MGST1: variants seen among roughly 807,000 people sequenced by gnomAD.
MGST1 encodes glutathione S-transferase 12.
Under a neutral mutation model 8.9 loss-of-function variants are expected in MGST1, and 5 were observed. The ratio of observed to expected loss-of-function variants is 0.56; its 90% confidence interval spans 0.29 to 1.19. The LOEUF is 1.19. MGST1 is among the 50% of genes most tolerant of loss of function. The pLI, the probability that MGST1 is intolerant of heterozygous loss-of-function variation, is 0.08. For missense variants in MGST1, 182 were observed against 187.4 expected (o/e 0.97, Z 0.17); for synonymous variants, 54 against 67.8 (o/e 0.80, Z 1.00).
intron 3 of MGST1, among the ~76,000 whole-genome samples, chr12:16,375,189 T>C (rs529530591): frequency 2.6e-5 from 4 of 152,278 alleles, no homozygotes; most frequent in Admixed American, 1.3e-4. Context: ...ACTGTTCTTA[T>C]GTTTTAAAAT....
At chr12:16,431,254 C>T (rs1315064225) in intron 1 of MGST1, among the ~76,000 whole-genome samples, 1 of 152,192 alleles carries the variant, frequency 6.6e-6, no homozygotes, top group Non-Finnish European at 1.5e-5. Context: ...TTCTCCATAT[C>T]AGCAATTAGG....
At position 16,587,917 on chromosome 12, in the gene MGST1, AC is replaced by A. The variant is rs1454817621; in HGVS notation, n.483-1609del. ...ATTGCTACATTTCTCATGAAAGAAAACCTTGATTTAATTTTAAATGAACAAA... is the reference window on the plus strand; with the variant it reads ...ATTGCTACATTTCTCATGAAAGAAAACTTGATTTAATTTTAAATGAACAAA... On this transcript the variant is annotated intron_variant and non_coding_transcript_variant, in intron 4 of 4. Coordinates refer to the MGST1 transcript ENST00000538857. This position sits in a 1 kb window ranked among gnomAD's most constrained non-coding sequence, Gnocchi z 4.3. Among the ~76,000 whole-genome samples, 4 of 152,148 alleles carry A rather than the reference AC, an allele frequency of 2.6e-5. No individual in the cohort carries two copies. Among genetic ancestry groups the A allele is most frequent in the Admixed American group, 1.3e-4 (2 of 15,252 alleles).
At chr12:16,467,858 A>T (rs1445740547) in intron 4 of MGST1, among the ~76,000 whole-genome samples, 1 of 152,160 alleles carries the variant, frequency 6.6e-6, no homozygotes, top group Non-Finnish European at 1.5e-5. Context: ...GCTCAAGAGA[A>T]ACTCCTACTT....
chr12:16,381,089 A>C (rs538210801), downstream of MGST1, among the ~76,000 whole-genome samples: 1 of 152,188 alleles, frequency 6.6e-6, no homozygotes, highest in Non-Finnish European at 1.5e-5. Flanking sequence ...TTGACTCTTT[A>C]TCCAATTTGC....
intron 4 of MGST1, among the ~76,000 whole-genome samples, chr12:16,512,730 C>T (rs1386585970): frequency 2.0e-5 from 3 of 152,194 alleles, no homozygotes; most frequent in Non-Finnish European, 4.4e-5. Flanking sequence ...TGCGCTTTTT[C>T]AAAATGCTTG....
chr12:16,482,208 C>A lies in MGST1; in HGVS notation n.482+98604C>A, dbSNP rs1941368820. Among the ~76,000 whole-genome samples the A allele has an allele frequency of 6.6e-6, 1 of 151,972 alleles. No homozygotes were observed. The highest frequency in any genetic ancestry group is 6.5e-5 in the Admixed American group (1 of 15,276). ...AGACCTCCAAATTCTGAACTTCTGG[C>A]AGGAGGAAAATTATCTCAGATGGAA... On this transcript the variant is annotated intron_variant and non_coding_transcript_variant, in intron 4 of 4. Transcript: ENST00000538857. This position sits in a 1 kb window ranked among gnomAD's most constrained non-coding sequence, Gnocchi z 4.2.
At position 16,517,085 on chromosome 12, in the gene MGST1, TA is replaced by T. The variant is rs370811731; in HGVS notation, n.483-72435del. 2.0e-5 allele frequency among the ~76,000 whole-genome samples: 3 copies of T among 151,860 alleles called. No individual in the cohort carries two copies. Among genetic ancestry groups the T allele is most frequent in the East Asian group, 1.9e-4 (1 of 5,180 alleles). Reference sequence around the variant, plus strand: ...GACATGAATGAAATTGGAGTTACATTAAAAAAAATCAATATGTAACCTGAGA... The same window carrying T: ...GACATGAATGAAATTGGAGTTACATTAAAAAAATCAATATGTAACCTGAGA... On this transcript the variant is annotated intron_variant and non_coding_transcript_variant, in intron 4 of 4. Transcript: ENST00000538857. The surrounding 1 kb of genome is among the most constrained non-coding windows in gnomAD (Gnocchi z 4.2).
At chr12:16,359,492 C>G (rs1413013004) in intron 3 of MGST1, among the ~76,000 whole-genome samples, 1 of 152,086 alleles carries the variant, frequency 6.6e-6, no homozygotes, top group African/African-American at 2.4e-5. Flanking sequence ...ATCAGTGAGT[C>G]TTGAGAATGG....
downstream of MGST1, among the ~76,000 whole-genome samples, chr12:16,441,927 A>G (rs1214490132): frequency 6.6e-6 from 1 of 151,798 alleles, no homozygotes; most frequent in African/African-American, 2.4e-5. Flanking sequence ...AAGTGGCTGT[A>G]CCATTTTGCA....
chr12:16,420,131 A>T (rs867103895), intron 1 of MGST1, among the ~76,000 whole-genome samples: 1 of 151,904 alleles, frequency 6.6e-6, no homozygotes, highest in African/African-American at 2.4e-5. Context: ...TTTAAGAATC[A>T]TACAAAATAA....
In MGST1 at chr12:16,537,517, C is replaced by T. The variant is rs778587476; in HGVS notation, n.483-52011C>T. On this transcript the variant is annotated intron_variant and non_coding_transcript_variant, in intron 4 of 4. Transcript: ENST00000538857. This position sits in a 1 kb window ranked among gnomAD's most constrained non-coding sequence, Gnocchi z 4.6. ...GGGCACCAACCCCACATTTCCCTTCCGCACTGCCCTAGCAGAGATTCTCCA... is the reference window on the plus strand; with the variant it reads ...GGGCACCAACCCCACATTTCCCTTCTGCACTGCCCTAGCAGAGATTCTCCA... Among the ~76,000 whole-genome samples the T allele has an allele frequency of 1.3e-4, 20 of 152,204 alleles. No homozygotes were observed. The highest frequency in any genetic ancestry group is 1.7e-4 in the African/African-American group (7 of 41,446).
chr12:16,394,577 CTCTCTG>C (rs2137056115), intron 1 of MGST1, among the ~76,000 whole-genome samples: 1 of 97,850 alleles, frequency 1.0e-5, no homozygotes, highest in East Asian at 2.8e-4. Flanking sequence ...TTTCTTTCTT[CTCTCTG>C]TCTCTCTTTT....
intron 4 of MGST1, among the ~76,000 whole-genome samples, chr12:16,541,042 T>C (rs903482347): frequency 6.6e-6 from 1 of 152,190 alleles, no homozygotes; most frequent in Non-Finnish European, 1.5e-5. Flanking sequence ...CACACATATA[T>C]TAGGGAAAAG....
chr12:16,496,146 G>T (rs73320876), intron 4 of MGST1, among the ~76,000 whole-genome samples: 1,634 of 152,120 alleles, frequency 0.011, 25 homozygotes, highest in African/African-American at 0.037. Context: ...TCTGCTCCTA[G>T]GCATGTAACA....
downstream of MGST1, among the ~76,000 whole-genome samples, chr12:16,439,955 T>C (rs1941025648): frequency 6.6e-6 from 1 of 151,752 alleles, no homozygotes; most frequent in Admixed American, 6.6e-5. Flanking sequence ...CAGCAAAGCC[T>C]TTTCTATCAG....
At chr12:16,429,239 T>A (rs145674646) in intron 1 of MGST1, among the ~76,000 whole-genome samples, 4 of 152,290 alleles carry the variant, frequency 2.6e-5, no homozygotes, top group Admixed American at 2.6e-4. Context: ...ACATAAATCA[T>A]AATTCAGTTA....
rs1243699441 is a variant in MGST1 at position 16,421,715 on chromosome 12, TG to T, written n.779-15670del. On this transcript the variant is annotated intron_variant and non_coding_transcript_variant, in intron 1 of 1. Transcript: ENST00000359720. The stretch of plus-strand genomic sequence containing the variant: ...CTTTTATATTTTCCTTTCTGTAAAG[TG>T]GGTCTCTTGATCTGGAGCAATTTTA... 2.0e-5 allele frequency among the ~76,000 whole-genome samples: 3 copies of T among 152,278 alleles called. No individual in the cohort carries two copies. In the East Asian group the frequency reaches 5.8e-4, roughly 29 times the overall value.
At chr12:16,469,683 C>T (rs1336278659) in intron 4 of MGST1, among the ~76,000 whole-genome samples, 1 of 152,170 alleles carries the variant, frequency 6.6e-6, no homozygotes, top group Non-Finnish European at 1.5e-5. Context: ...AGGCTGTGGT[C>T]TTCACTGTAA....
At chr12:16,455,233 C>T (rs1941163621) in intron 4 of MGST1, among the ~76,000 whole-genome samples, 1 of 151,872 alleles carries the variant, frequency 6.6e-6, no homozygotes, top group Admixed American at 6.6e-5. Flanking sequence ...TGCTATGTTT[C>T]AGGCTGTTCT....
Sources: gnomAD v4.1 joint callset for allele counts (sites outside exome capture counted in the v4.1 genomes callset) on GRCh38, gnomAD v4.1.1 for gene constraint, Gnocchi (gnomAD v3.1) non-coding constraint, MANE v1.5 for transcripts, NCBI Gene and HGNC (gene_info 2026-07-23, HGNC 2026-07-21) for gene names.